Variants in FLG2 observed in about 807,000 individuals in gnomAD.
FLG2 encodes filaggrin-2.
A neutral mutation model predicts 3.9 loss-of-function variants in FLG2; 7 were observed. The ratio of observed to expected loss-of-function variants is 1.79; its 90% CI spans 1.02 to 3.36. The LOEUF is 3.36. FLG2 is among the 30% of genes most tolerant of loss of function. The probability of loss-of-function intolerance (pLI) is 0.00; values close to 1 mark genes in which losing one functional copy is unlikely to be tolerated. For synonymous variants in FLG2, 1,031 were observed against 1,056.1 expected, an observed-to-expected ratio of 0.98 and a Z score of 0.46; for missense variants, 2,700 against 2,809.4, an observed-to-expected ratio of 0.96 and a Z score of 0.88.
chr1:152,357,337 G>A lies in FLG2; in HGVS notation c.449C>T (p.Thr150Ile). 6.2e-7 allele frequency: 1 copy of A among 1,614,104 alleles called. No homozygotes were observed. Among genetic ancestry groups the A allele is most frequent in the Non-Finnish European group, 8.5e-7 (1 of 1,180,030 alleles). ...HGYSSGHSRGTVKCRHGSNSR... is the reference protein window; with the variant it reads ...HGYSSGHSRGIVKCRHGSNSR... Reference sequence around the variant, plus strand: ...GTTGGACCCATGTCTACATTTCACAGTTCCCCTTGAGTGCCCAGAACTATA... The same window carrying A: ...GTTGGACCCATGTCTACATTTCACAATTCCCCTTGAGTGCCCAGAACTATA... The change falls in exon 3 of 3, where the codon ACT becomes ATT. Residue 150 changes from threonine to isoleucine, a missense_variant. Physicochemically the swap from Thr to Ile is moderately conservative, Grantham distance 89. Transcript: ENST00000388718.
At position 152,352,420 on chromosome 1, in the gene FLG2, G is replaced by A. The variant is rs1351926179; in HGVS notation, c.5366C>T (p.Thr1789Ile). Residue 1789 changes from threonine to isoleucine, a missense_variant, in exon 3 of 3, where the codon ACA (threonine) becomes ATA (isoleucine). Coordinates refer to ENST00000388718, the MANE Select transcript of FLG2 (RefSeq NM_001014342.3). ...TCCAGTGGTCCTGGACCCTGTCTGT[G>A]TGGACTGTCCATGACCAGAGTGGGC... is the stretch of plus-strand genomic sequence containing the variant. ...RHAHSGHGQS[T>I]QTGSRTTGRR... 3 of 1,613,576 alleles carry A rather than the reference G, an allele frequency of 1.9e-6. No homozygotes were observed. Among genetic ancestry groups the A allele is most frequent in the African/African-American group, 2.7e-5 (2 of 74,744 alleles).
At position 152,357,105 on chromosome 1, in the gene FLG2, A is replaced by G; in HGVS notation, c.681T>C (p.Ser227=). 2 of 1,614,168 alleles carry G rather than the reference A, an allele frequency of 1.2e-6. No homozygotes were observed. Among genetic ancestry groups the G allele is most frequent in the Non-Finnish European group, 1.7e-6 (2 of 1,180,010 alleles). The change falls in exon 3 of 3, where the codon TCT becomes TCC. Residue 227 remains serine, a synonymous_variant. Coordinates refer to ENST00000388718, the MANE Select transcript of FLG2 (RefSeq NM_001014342.3). The stretch of plus-strand genomic sequence containing the variant: ...CTTTCCTTTCCCAACTGTTTGATCC[A>G]GATCCAGATTCATACTCCTCCCCAG... ...RESGEEYESG[S]GSNSWERKGH...
Position 152,354,297 on chromosome 1 carries a change from T to C in FLG2, c.3489A>G (p.Ser1163=). 1 of 1,614,158 alleles carries C rather than the reference T, an allele frequency of 6.2e-7. No homozygotes were observed. The highest frequency in any genetic ancestry group is 8.5e-7 in the Non-Finnish European group (1 of 1,179,994). ...YGQHGTGSSQ[S]SGCGQHESGS... ...CAGACTCATGTTGGCCACAGCCAGA[T>C]GATTGACTGGAGCCAGTACCATGTT... is the stretch of plus-strand genomic sequence containing the variant. The change falls in exon 3 of 3, where the codon TCA becomes TCG. Residue 1163 remains serine (S), a synonymous_variant. Coordinates refer to ENST00000388718, the MANE Select transcript of FLG2 (RefSeq NM_001014342.3).
rs1653830160 is a variant in FLG2, at chr1:152,349,564, C to T, written c.*1046G>A. On this transcript the variant is annotated 3_prime_UTR_variant, in exon 3 of 3. Transcript: ENST00000388718. ...TTAAAATGAAAGAACAGACATATAC[C>T]CTTACTACCAAAAGAGGAGATCATG... 1 of 152,560 alleles carries T rather than the reference C, an allele frequency of 6.6e-6. No homozygotes were observed. Among genetic ancestry groups the T allele is most frequent in the Non-Finnish European group, 1.5e-5 (1 of 68,030 alleles). The allele number at this position is 152,560 out of a possible 1,614,324, so 9.5% of individuals were successfully genotyped here.
At position 152,353,315 on chromosome 1, in the gene FLG2, A is replaced by T. The variant is rs746389049; in HGVS notation, c.4471T>A (p.Ser1491Thr). Residue 1491 changes from serine (S) to threonine (T), a missense_variant, in exon 3 of 3, where the codon TCC becomes ACC. Ser to Thr is a moderately conservative substitution (Grantham distance 58). Transcript: ENST00000388718. ...YHHGKSTQRG[S>T]STTGRRGSGH... ...GATCCCCTTCTTCCAGTTGTACTGG[A>T]CCCTCTCTGTGTGGATTTTCCATGA... is the stretch of plus-strand genomic sequence containing the variant. The T allele has an allele frequency of 1.2e-6, 2 of 1,610,738 alleles. No individual in the cohort carries two copies.
chr1:152,358,273 G>A (rs374184623), intron 2 of FLG2, among the ~76,000 whole-genome samples: 8 of 152,122 alleles, frequency 5.3e-5, no homozygotes, highest in East Asian at 1.9e-4. Flanking sequence ...CACCCACTTC[G>A]GCCTCCCAAA....
intron 2 of FLG2, 30 bp from the exon 3 acceptor site, chr1:152,357,677 C>A: frequency 6.6e-7 from 1 of 1,526,404 alleles, no homozygotes; most frequent in South Asian, 1.2e-5. Context: ...CAAGGGAGAC[C>A]TGGTCAGCCT....
At position 152,355,210 on chromosome 1, in the gene FLG2, C is replaced by T. The variant is rs747962373; in HGVS notation, c.2576G>A (p.Gly859Asp). The T allele has an allele frequency of 2.5e-6, 4 of 1,609,880 alleles. No homozygotes were observed. Among genetic ancestry groups the T allele is most frequent in the African/African-American group, 1.3e-5 (1 of 74,646 alleles). The change falls in exon 3 of 3, where the codon GGT becomes GAT. Residue 859 changes from glycine to aspartate, a missense_variant. Coordinates refer to ENST00000388718, the MANE Select transcript of FLG2 (RefSeq NM_001014342.3). ...GSGSSQSSGY[G>D]QHGSSSGQTS... ...CTGTCCCGAACTTGACCCATGTTGA[C>T]CATAGCCAGATGATTGACTTGAGCC... is the stretch of plus-strand genomic sequence containing the variant.
chr1:152,359,279 A>G (rs1654363653), intron 1 of FLG2, among the ~76,000 whole-genome samples: 1 of 152,110 alleles, frequency 6.6e-6, no homozygotes, highest in Non-Finnish European at 1.5e-5. Flanking sequence ...CATTGCCTCA[A>G]TCTCTCTTTC....
chr1:152,352,244 G>A lies in FLG2; in HGVS notation c.5542C>T (p.His1848Tyr). The A allele has an allele frequency of 6.2e-7, 1 of 1,614,012 alleles. No homozygotes were observed. Residue 1848 changes from histidine to tyrosine, a missense_variant, in exon 3 of 3, where the codon CAT becomes TAT. Coordinates refer to ENST00000388718, the MANE Select transcript of FLG2 (RefSeq NM_001014342.3). ...SIVDERHGTT[H>Y]GQTGDTSGHS... ...CCACTGGTATCTCCTGTCTGTCCATGAGTAGTTCCATGTCTCTCGTCAACT... is the reference window on the plus strand; with the variant it reads ...CCACTGGTATCTCCTGTCTGTCCATAAGTAGTTCCATGTCTCTCGTCAACT...
In FLG2 at chr1:152,357,233, T is replaced by C. The variant is rs1654274832; in HGVS notation, c.553A>G (p.Ser185Gly). The C allele has an allele frequency of 6.2e-7, 1 of 1,614,218 alleles. No homozygotes were observed. Among genetic ancestry groups the C allele is most frequent in the Admixed American group, 1.7e-5 (1 of 60,034 alleles). Residue 185 changes from serine to glycine, a missense_variant, in exon 3 of 3, where the codon AGC becomes GGC. Ser to Gly is a moderately conservative substitution (Grantham distance 56). Transcript: ENST00000388718. ...EGSQKRYHRS[S>G]CGHSWSGGKD... Reference sequence around the variant, plus strand: ...CCACCACTCCATGAATGACCACAGCTGGACCTGTGGTATCTTTTCTGAGAT... The same window carrying C: ...CCACCACTCCATGAATGACCACAGCCGGACCTGTGGTATCTTTTCTGAGAT...
At chr1:152,358,424 C>CT (rs1006620430) in intron 2 of FLG2, among the ~76,000 whole-genome samples, 18 of 151,946 alleles carry the variant, frequency 1.2e-4, no homozygotes, top group African/African-American at 2.7e-4. Context: ...CCTTTCTATA[C>CT]TTTTTTTTCC....
At position 152,351,793 on chromosome 1, in the gene FLG2, T is replaced by C; in HGVS notation, c.5993A>G (p.His1998Arg). 1 of 1,612,898 alleles carries C rather than the reference T, an allele frequency of 6.2e-7. No individual in the cohort carries two copies. The highest frequency in any genetic ancestry group is 8.5e-7 in the Non-Finnish European group (1 of 1,179,916). ...SSVHERHGTT[H>R]GQTADTTRHG... ...TCTAGTGGTATCTGCTGTTTGTCCA[T>C]GAGTAGTTCCGTGTCTCTCATGAAC... Residue 1998 changes from histidine to arginine, a missense_variant, in exon 3 of 3, where the codon CAT becomes CGT. Coordinates refer to ENST00000388718, the MANE Select transcript of FLG2 (RefSeq NM_001014342.3).
rs1402730331 is a variant in FLG2 at position 152,351,801 on chromosome 1, TC to T, written c.5984del (p.Gly1995GlufsTer407). 3.7e-6 allele frequency: 6 copies of T among 1,612,510 alleles called. No individual in the cohort carries two copies. Among genetic ancestry groups the T allele is most frequent in the Non-Finnish European group, 4.2e-6 (5 of 1,179,836 alleles). ...ESGSSVHERH[G>X]TTHGQTADTT... ...TATCTGCTGTTTGTCCATGAGTAGT[TC>T]CGTGTCTCTCATGAACTGAGGATCC... On this transcript the variant is annotated frameshift_variant, in exon 3 of 3. Coordinates refer to ENST00000388718, the MANE Select transcript of FLG2 (RefSeq NM_001014342.3). LOFTEE classifies it low-confidence loss of function (END_TRUNC).
Position 152,355,831 on chromosome 1 carries a change from G to T in FLG2, c.1955C>A (p.Ser652Tyr). 6.2e-7 allele frequency: 1 copy of T among 1,613,124 alleles called. No individual in the cohort carries two copies. The highest frequency in any genetic ancestry group is 8.5e-7 in the Non-Finnish European group (1 of 1,179,830). Residue 652 changes from serine to tyrosine, a missense_variant, in exon 3 of 3, where the codon TCC becomes TAC. Ser to Tyr is a moderately radical substitution (Grantham distance 144). Transcript: ENST00000388718. ...TGATCCATATTGGCCAAAGCCAGTG[G>T]ATTGACTTGAGCCTGACCCATGTTG... ...FGQHGSGSSQ[S>Y]TGFGQYGSGS...
rs763868998 is a variant in FLG2, at chr1:152,351,797, T to C, written c.5989A>G (p.Thr1997Ala). 1 of 1,612,520 alleles carries C rather than the reference T, an allele frequency of 6.2e-7. No homozygotes were observed. ...GSSVHERHGT[T>A]HGQTADTTRH... ...GTGGTATCTGCTGTTTGTCCATGAG[T>C]AGTTCCGTGTCTCTCATGAACTGAG... The change falls in exon 3 of 3, where the codon ACT becomes GCT. Residue 1997 changes from threonine (T) to alanine (A), a missense_variant. By Grantham distance (58) the Thr-to-Ala change is moderately conservative. Coordinates refer to ENST00000388718, the MANE Select transcript of FLG2 (RefSeq NM_001014342.3).
rs773074983 is a variant in FLG2, at chr1:152,351,834, T to TGGA, written c.5949_5951dup (p.Pro1984dup). 6.2e-7 allele frequency: 1 copy of TGGA among 1,612,822 alleles called. No homozygotes were observed. On this transcript the variant is annotated inframe_insertion, in exon 3 of 3. Coordinates refer to ENST00000388718, the MANE Select transcript of FLG2 (RefSeq NM_001014342.3). ...TCTCATGAACTGAGGATCCTGACTC[T>TGGA]GGATAGTGAGATCCAGCTTGACCGT...
rs146832545 is a variant in FLG2 at position 152,353,678 on chromosome 1, G to A, written c.4108C>T (p.His1370Tyr). The A allele has an allele frequency of 3.0e-4, 482 of 1,613,886 alleles. No individual in the cohort carries two copies. Among genetic ancestry groups the A allele is most frequent in the Non-Finnish European group, 3.9e-4 (458 of 1,179,998 alleles). The change falls in exon 3 of 3, where the codon CAC becomes TAC. Residue 1370 changes from histidine (H) to tyrosine (Y), a missense_variant. By Grantham distance (83) the His-to-Tyr change is moderately conservative. Coordinates refer to ENST00000388718, the MANE Select transcript of FLG2 (RefSeq NM_001014342.3). ...SHRPHSQEQT[H>Y]SQAGSQHGES... ...CCATGTTGAGATCCAGCTTGGCTGT[G>A]AGTTTGTTCTTGTGAGTGTGGTCTA...
chr1:152,351,350 T>A lies in FLG2; in HGVS notation c.6436A>T (p.Thr2146Ser), dbSNP rs780562828. 1 of 1,613,614 alleles carries A rather than the reference T, an allele frequency of 6.2e-7. No individual in the cohort carries two copies. Among genetic ancestry groups the A allele is most frequent in the East Asian group, 2.2e-5 (1 of 44,810 alleles). Residue 2146 changes from threonine (T) to serine (S), a missense_variant, in exon 3 of 3, where the codon ACT becomes TCT. Transcript: ENST00000388718. ...GTATCTCCTGTCTGTCCATGTATAGTTCCCTGTCTCCCGTGAATGGCAGAT... is the reference window on the plus strand; with the variant it reads ...GTATCTCCTGTCTGTCCATGTATAGATCCCTGTCTCCCGTGAATGGCAGAT... Reference protein sequence around the residue: ...SGSAIHGRQGTIHGQTGDTTR... With the variant: ...SGSAIHGRQGSIHGQTGDTTR...
Sources: gnomAD v4.1 joint callset for allele counts (sites outside exome capture counted in the v4.1 genomes callset) on GRCh38, gnomAD v4.1.1 for gene constraint, MANE v1.5 for transcripts, NCBI Gene and HGNC (gene_info 2026-07-23, HGNC 2026-07-21) for gene names.